The following DCHS1 variants were observed in gnomAD, a reference collection of about 807,000 sequenced individuals.
The protein encoded by DCHS1 is dachsous cadherin-related 1, also known as protocadherin-16.
Under a neutral mutation model 213.9 loss-of-function variants are expected in DCHS1, and 78 were observed. That is an observed-to-expected ratio of 0.36 (90% CI 0.30 to 0.44). DCHS1 has a LOEUF of 0.44. DCHS1 is among the 20% of genes least tolerant of loss of function. The probability of loss-of-function intolerance (pLI) is 1.00; values close to 1 mark genes in which losing one functional copy is unlikely to be tolerated. For missense variants in DCHS1, 3,946 were observed against 4,395.9 expected (o/e 0.90, Z 2.89); for synonymous variants, 1,828 against 1,873.7 (o/e 0.98, Z 0.63).
chr11:6,655,177 G>T (rs570413904), intron 1 of DCHS1, among the ~76,000 whole-genome samples: 1 of 152,076 alleles, frequency 6.6e-6, no homozygotes, highest in African/African-American at 2.4e-5. Flanking sequence ...CATGACACAC[G>T]GTCATTCTGA....
At position 6,622,942 on chromosome 11, in the gene DCHS1, G is replaced by A. The variant is rs1490443005; in HGVS notation, c.8734C>T (p.Arg2912Trp). ...ACGGTCACAGGCACTGTGGCACTCC[G>A]GGAACCAGGCAGAGGCCCCCGTGCT... is the stretch of plus-strand genomic sequence containing the variant. Reference protein sequence around the residue: ...VIARGPLPGSRSATVPVTVDI... With the variant: ...VIARGPLPGSWSATVPVTVDI... Residue 2912 changes from arginine (R) to tryptophan (W), a missense_variant, in exon 21 of 21, where the codon CGG (arginine) becomes TGG (tryptophan). Transcript: ENST00000299441. This position sits in a 1 kb window ranked among gnomAD's most constrained non-coding sequence, Gnocchi z 5.4. The A allele has an allele frequency of 1.3e-6, 2 of 1,584,924 alleles. No homozygotes were observed. Among genetic ancestry groups the A allele is most frequent in the Non-Finnish European group, 1.7e-6 (2 of 1,165,946 alleles).
rs1431297226 is a variant in DCHS1, at chr11:6,628,890, C to A, written c.5162-60G>T. On this transcript the variant is annotated intron_variant, in intron 12 of 20. Transcript: ENST00000299441. The surrounding 1 kb of genome is among the most constrained non-coding windows in gnomAD (Gnocchi z 4.3). ...CCCTCACCACATGGAGAAATCCACA[C>A]CACACAGTGTTCATACATGTTCACT... 13 of 1,537,332 alleles carry A rather than the reference C, an allele frequency of 8.5e-6. No individual in the cohort carries two copies. Among genetic ancestry groups the A allele is most frequent in the Non-Finnish European group, 1.2e-5 (13 of 1,128,206 alleles).
In DCHS1 at chr11:6,630,729, T is replaced by G; in HGVS notation, c.4065A>C (p.Ala1355=). ...LRPGSLLGSV[A]APEPAGVGAL... Reference sequence around the variant, plus strand: ...CACCCACACCCGCGGGCTCTGGCGCTGCCACCGAGCCCAACAGAGAGCCGG... The same window carrying G: ...CACCCACACCCGCGGGCTCTGGCGCGGCCACCGAGCCCAACAGAGAGCCGG... Residue 1355 remains alanine (A), a synonymous_variant, in exon 10 of 21, where the codon GCA becomes GCC. Coordinates refer to ENST00000299441, the MANE Select transcript of DCHS1 (RefSeq NM_003737.4). 1 of 1,544,024 alleles carries G rather than the reference T, an allele frequency of 6.5e-7. No individual in the cohort carries two copies. The highest frequency in any genetic ancestry group is 8.7e-7 in the Non-Finnish European group (1 of 1,147,508).
chr11:6,628,200 A>G lies in DCHS1; in HGVS notation c.5371+421T>C, dbSNP rs571568089. ...AATCTTAGTATTTCCTTGTGCTTACACAGAAATACTGGCAAGCTGTATACT... is the reference window on the plus strand; with the variant it reads ...AATCTTAGTATTTCCTTGTGCTTACGCAGAAATACTGGCAAGCTGTATACT... On this transcript the variant is annotated intron_variant, in intron 13 of 20. Coordinates refer to ENST00000299441, the MANE Select transcript of DCHS1 (RefSeq NM_003737.4). This position sits in a 1 kb window ranked among gnomAD's most constrained non-coding sequence, Gnocchi z 4.3. 6.6e-5 allele frequency among the ~76,000 whole-genome samples: 10 copies of G among 152,378 alleles called. No homozygotes were observed. In the South Asian group the frequency reaches 2.1e-3, roughly 32 times the overall value.
rs1361102387 is a variant in DCHS1, at chr11:6,640,195, G to A, written c.1419C>T (p.Asp473=). ...GGGGCTCAGGTCGGTAGAGCTGGCG[G>A]TCAAAGGCAGGTGCATTGTCGTTGA... ...TDVNDNAPAF[D]RQLYRPEPLP... The change falls in exon 2 of 21, where the codon GAC becomes GAT. Residue 473 remains aspartate, a synonymous_variant. Coordinates refer to ENST00000299441, the MANE Select transcript of DCHS1 (RefSeq NM_003737.4). The surrounding 1 kb of genome is among the most constrained non-coding windows in gnomAD (Gnocchi z 6.5). The A allele has an allele frequency of 1.2e-6, 2 of 1,613,636 alleles. No homozygotes were observed. The highest frequency in any genetic ancestry group is 3.3e-5 in the Admixed American group (2 of 59,952).
At chr11:6,648,949 T>A (rs1242093845) in intron 1 of DCHS1, among the ~76,000 whole-genome samples, 1 of 152,180 alleles carries the variant, frequency 6.6e-6, no homozygotes, top group Admixed American at 6.5e-5. Flanking sequence ...CTAGGCAAGT[T>A]ACTAAACATT....
chr11:6,637,346 G>A (rs144098687), intron 2 of DCHS1, among the ~76,000 whole-genome samples: 143 of 152,266 alleles, frequency 9.4e-4, no homozygotes, highest in African/African-American at 2.8e-3. Flanking sequence ...CCCACCCATT[G>A]TGACAATCAG....
In DCHS1 at chr11:6,625,756, G is replaced by T. The variant is rs773005030; in HGVS notation, c.6732-29C>A. 1.9e-6 allele frequency: 3 copies of T among 1,597,114 alleles called. No individual in the cohort carries two copies. In the South Asian group the frequency reaches 3.4e-5, roughly 18 times the overall value. ...GACACAAAGCACAATCATCGGGTGG[G>T]ACATGGCAATAAGGGGGAACTCTGG... On this transcript the variant is annotated intron_variant, in intron 17 of 20. Coordinates refer to ENST00000299441, the MANE Select transcript of DCHS1 (RefSeq NM_003737.4). The surrounding 1 kb of genome is among the most constrained non-coding windows in gnomAD (Gnocchi z 5.3).
rs150309662 is a variant in DCHS1 at position 6,634,249 on chromosome 11, C to T, written c.1855G>A (p.Ala619Thr). The change falls in exon 3 of 21, where the codon GCT becomes ACT. Residue 619 changes from alanine (A) to threonine (T), a missense_variant. Physicochemically the swap from Ala to Thr is moderately conservative, Grantham distance 58. Coordinates refer to ENST00000299441, the MANE Select transcript of DCHS1 (RefSeq NM_003737.4). The stretch of plus-strand genomic sequence containing the variant: ...GGAGATCCGGAGGACCCAAGTCCAG[C>T]ACCCAAGGAATAGGAGAGGAGGCCA... ...PFGLLSYSLG[A>T]GLGSSGSPPF... 4.5e-5 allele frequency: 72 copies of T among 1,613,610 alleles called. No individual in the cohort carries two copies. The highest frequency in any genetic ancestry group is 6.0e-5 in the Non-Finnish European group (71 of 1,179,652).
rs374435895 is a variant in DCHS1, at chr11:6,624,365, T to C, written c.7311A>G (p.Thr2437=). 207 of 1,571,626 alleles carry C rather than the reference T, an allele frequency of 1.3e-4. No homozygotes were observed. In the East Asian group the frequency reaches 4.6e-3, roughly 35 times the overall value. The change falls in exon 21 of 21, where the codon ACA becomes ACG. Residue 2437 remains threonine (T), a synonymous_variant. Transcript: ENST00000299441. ...CTGACCCGTCATGGCCCAAGGCCAC[T>C]GTTCCCACTATTGTGAACAGGGTCC... ...NNGTLFTIVG[T]VALGHDGSGA...
At position 6,622,688 on chromosome 11, in the gene DCHS1, T is replaced by G. The variant is rs1386079512; in HGVS notation, c.8988A>C (p.Pro2996=). 1 of 1,593,170 alleles carries G rather than the reference T, an allele frequency of 6.3e-7. No homozygotes were observed. The highest frequency in any genetic ancestry group is 2.3e-5 in the East Asian group (1 of 43,842). Residue 2996 remains proline (P), a synonymous_variant, in exon 21 of 21, where the codon CCA becomes CCC. Transcript: ENST00000299441. The surrounding 1 kb of genome is among the most constrained non-coding windows in gnomAD (Gnocchi z 5.4). The part of the protein sequence containing the change: ...LQKLGREPPS[P]PPSEHLYHQT... ...GGTGATAGAGGTGCTCAGAGGGTGGTGGACTAGGTGGCTCCCGGCCCAGTT... is the reference window on the plus strand; with the variant it reads ...GGTGATAGAGGTGCTCAGAGGGTGGGGGACTAGGTGGCTCCCGGCCCAGTT...
Position 6,623,306 on chromosome 11 carries a change from A to G in DCHS1, c.8370T>C (p.Ala2790=), listed in dbSNP as rs775394503. ...SFRLLVGAAD[A]GNLSASVTVS... is the part of the protein sequence containing the mutation. Reference sequence around the variant, plus strand: ...CAGTGACAGAGGCTGAGAGATTCCCAGCATCAGCAGCACCCACCAGCAGCC... The same window carrying G: ...CAGTGACAGAGGCTGAGAGATTCCCGGCATCAGCAGCACCCACCAGCAGCC... Residue 2790 remains alanine, a synonymous_variant, in exon 21 of 21, where the codon GCT becomes GCC. Transcript: ENST00000299441. 21 of 1,590,046 alleles carry G rather than the reference A, an allele frequency of 1.3e-5. No individual in the cohort carries two copies. Among genetic ancestry groups the G allele is most frequent in the Middle Eastern group, 1.7e-4 (1 of 6,054 alleles).
Position 6,633,571 on chromosome 11 carries a change from C to T in DCHS1, c.2296G>A (p.Gly766Ser). The T allele has an allele frequency of 6.3e-7, 1 of 1,592,906 alleles. No individual in the cohort carries two copies. The highest frequency in any genetic ancestry group is 8.5e-7 in the Non-Finnish European group (1 of 1,169,656). Residue 766 changes from glycine (G) to serine (S), a missense_variant, in exon 5 of 21, where the codon GGT becomes AGT. Coordinates refer to ENST00000299441, the MANE Select transcript of DCHS1 (RefSeq NM_003737.4). ...GCACTGGGTTCTGCCTGTAGGCCAC[C>T]TCCGTCCTCAGCCCCGATCTCCAGC... ...VQLEIGAEDG[G>S]GLQAEPSARV... is the part of the protein sequence containing the mutation.
intron 8 of DCHS1, 50 bp downstream of exon 8, chr11:6,631,261 C>A (rs1855902703): frequency 6.2e-7 from 1 of 1,613,830 alleles, no homozygotes; most frequent in Non-Finnish European, 8.5e-7. Context: ...GCTGGGCAGG[C>A]CATGAGGGCA....
At chr11:6,633,310 G>A in intron 5 of DCHS1, 102 bp downstream of exon 5, 1 of 1,260,126 alleles carries the variant, frequency 7.9e-7, no homozygotes, top group Non-Finnish European at 1.1e-6. Flanking sequence ...TTATACTGGG[G>A]CTATCTGCCC....
intron 1 of DCHS1, among the ~76,000 whole-genome samples, chr11:6,643,597 C>G (rs1040176537): frequency 1.3e-5 from 2 of 152,208 alleles, no homozygotes; most frequent in African/African-American, 4.8e-5. Flanking sequence ...TCTGCCCACT[C>G]CTTCACAATT....
In DCHS1 at chr11:6,630,233, T is replaced by A; in HGVS notation, c.4561A>T (p.Asn1521Tyr). Residue 1521 changes from asparagine to tyrosine, a missense_variant, in exon 10 of 21, where the codon AAC becomes TAC. By Grantham distance (143) the Asn-to-Tyr change is moderately radical. Around this residue, in one of 3 missense-constraint regions of DCHS1, gnomAD observed 3,384 missense variants for 3,780.1 expected, o/e 0.90. Coordinates refer to ENST00000299441, the MANE Select transcript of DCHS1 (RefSeq NM_003737.4). ...CGCGCTGCACGACGGCGGCTGGCGT[T>A]GGCGGGCCGGTCGGTGGCTTCCACC... ...LLVEATDRPA[N>Y]ASRRRAARVS... The A allele has an allele frequency of 6.4e-7, 1 of 1,554,368 alleles. No individual in the cohort carries two copies.
Position 6,631,718 on chromosome 11 carries a change from G to T in DCHS1, c.3573C>A (p.Arg1191=), listed in dbSNP as rs1347493936. The T allele has an allele frequency of 6.2e-7, 1 of 1,610,038 alleles. No individual in the cohort carries two copies. Among genetic ancestry groups the T allele is most frequent in the African/African-American group, 1.3e-5 (1 of 74,798 alleles). The stretch of plus-strand genomic sequence containing the variant: ...CAACATGCACAGTGCCTGTGGTGCT[G>T]CGGGGTGGGCTCCCTCCATCCTGCA... The part of the protein sequence containing the change: ...VQVQDGGSPP[R]STTGTVHVAV... The change falls in exon 7 of 21, where the codon CGC becomes CGA. Residue 1191 remains arginine, a synonymous_variant. Transcript: ENST00000299441.
chr11:6,621,847 GAC>G lies in DCHS1; in HGVS notation c.9827_9828del (p.Gly3276AlafsTer16). Reference sequence around the variant, plus strand: ...TCTGCGCTGAGTGCTGAGGCTGAGGGACCCTGGGCCACCCCAAATGGTGAGAC... The same window carrying G: ...TCTGCGCTGAGTGCTGAGGCTGAGGGCCTGGGCCACCCCAAATGGTGAGAC... ...PVVSPFGVAQ[G>X]PSASALSAES... On this transcript the variant is annotated frameshift_variant, in exon 21 of 21. Coordinates refer to ENST00000299441, the MANE Select transcript of DCHS1 (RefSeq NM_003737.4). LOFTEE classifies it high-confidence loss of function. The G allele has an allele frequency of 6.2e-7, 1 of 1,610,756 alleles. No homozygotes were observed. The highest frequency in any genetic ancestry group is 8.5e-7 in the Non-Finnish European group (1 of 1,178,636).
Sources: gnomAD v4.1 joint callset for allele counts (sites outside exome capture counted in the v4.1 genomes callset) on GRCh38, gnomAD v4.1.1 for gene constraint, gnomAD v4.1.1 regional missense constraint, Gnocchi (gnomAD v3.1) non-coding constraint, MANE v1.5 for transcripts, NCBI Gene and HGNC (gene_info 2026-07-23, HGNC 2026-07-21) for gene names.